Variants in UNC13C observed in about 807,000 individuals in gnomAD.
The protein encoded by UNC13C is protein unc-13 homolog C.
Under a neutral mutation model 245.4 loss-of-function variants are expected in UNC13C, and 174 were observed. The observed-to-expected ratio is 0.71, with a 90% CI of 0.63 to 0.80. The LOEUF (loss-of-function observed/expected upper bound fraction) is 0.80, where lower values mean the gene tolerates loss of function less well. Ranked by LOEUF, UNC13C falls within the 30% of genes least tolerant of loss-of-function variation. The pLI is 0.00. For synonymous variants in UNC13C, 992 were observed against 895.1 expected (o/e 1.11, Z -1.93); for missense variants, 2,829 against 2,602.9 (o/e 1.09, Z -1.89).
At chr15:54,168,932 A>T (rs1167181711) in intron 4 of UNC13C, among the ~76,000 whole-genome samples, 1 of 152,240 alleles carries the variant, frequency 6.6e-6, no homozygotes, top group African/African-American at 2.4e-5. Flanking sequence ...AGTGATTAAT[A>T]AAATGGAAAA....
At chr15:53,941,858 G>A in the UNC13C span, among the ~76,000 whole-genome samples, 11 of 152,172 alleles carry the variant, frequency 7.2e-5, no homozygotes, top group African/African-American at 2.2e-4. Context: ...AAAATAAGAT[G>A]CCATCTCATG....
intron 19 of UNC13C, among the ~76,000 whole-genome samples, chr15:54,440,631 T>C (rs1217868821): frequency 1.3e-5 from 2 of 152,046 alleles, no homozygotes; most frequent in South Asian, 2.1e-4. Context: ...GCTGTAGATA[T>C]CTCTTTGATG....
intron 19 of UNC13C, among the ~76,000 whole-genome samples, chr15:54,462,263 A>G (rs1382888078): frequency 6.6e-6 from 1 of 152,250 alleles, no homozygotes. Context: ...ATCTCAGTGG[A>G]TATAAGAGGG....
intron 2 of UNC13C, chr15:54,048,569 G>A (rs184604255): frequency 2.6e-4 from 116 of 445,482 alleles, no homozygotes; most frequent in African/African-American, 2.3e-3. Context: ...TAGAATTGAT[G>A]TACTGAAACT....
At chr15:54,528,444 C>T (rs1055648448) in intron 25 of UNC13C, among the ~76,000 whole-genome samples, 8 of 151,754 alleles carry the variant, frequency 5.3e-5, no homozygotes, top group African/African-American at 1.2e-4. Flanking sequence ...TTGGGTGCTC[C>T]GAAAATCTTT....
At chr15:54,430,578 A>T (rs1028339603) in intron 19 of UNC13C, among the ~76,000 whole-genome samples, 8 of 151,718 alleles carry the variant, frequency 5.3e-5, no homozygotes, top group Admixed American at 4.6e-4. Flanking sequence ...TTAAATATTA[A>T]TAGAAATTAA....
chr15:53,888,708 T>A, the UNC13C span, among the ~76,000 whole-genome samples: 2 of 152,230 alleles, frequency 1.3e-5, no homozygotes, highest in Non-Finnish European at 2.9e-5. Context: ...CTTTAATCCA[T>A]CTTGAGTTGA....
At chr15:54,215,936 A>G (rs2035026580) in intron 4 of UNC13C, among the ~76,000 whole-genome samples, 1 of 152,030 alleles carries the variant, frequency 6.6e-6, no homozygotes, top group Non-Finnish European at 1.5e-5. Context: ...TTTGTCCAAC[A>G]TAAATTGAAA....
At chr15:54,161,372 T>C (rs904585438) in intron 4 of UNC13C, among the ~76,000 whole-genome samples, 2 of 152,226 alleles carry the variant, frequency 1.3e-5, no homozygotes, top group African/African-American at 4.8e-5. Context: ...CATTTCTTTC[T>C]GCCAGGTACA....
At chr15:54,108,152 T>C (rs929919192) in intron 2 of UNC13C, among the ~76,000 whole-genome samples, 1 of 151,842 alleles carries the variant, frequency 6.6e-6, no homozygotes, top group African/African-American at 2.4e-5. Flanking sequence ...TGGATGATAG[T>C]TTTCTATTAT....
At chr15:54,265,517 C>A in intron 10 of UNC13C, 21 bp downstream of exon 10, 4 of 1,446,624 alleles carry the variant, frequency 2.8e-6, no homozygotes, top group Admixed American at 2.5e-5. Context: ...AATGTGAAAC[C>A]TTTACAAATA....
chr15:54,328,922 C>A (rs2038366995), intron 14 of UNC13C, among the ~76,000 whole-genome samples: 1 of 152,112 alleles, frequency 6.6e-6, no homozygotes, highest in East Asian at 1.9e-4. Context: ...AATAATCATG[C>A]CTATTAGTTT....
intron 17 of UNC13C, among the ~76,000 whole-genome samples, chr15:54,380,752 A>G (rs1258248143): frequency 6.6e-6 from 1 of 152,140 alleles, no homozygotes; most frequent in Non-Finnish European, 1.5e-5. Flanking sequence ...GACTATTTGT[A>G]TATCTTCTTT....
At chr15:54,024,726 G>A (rs1281396184) in intron 2 of UNC13C, among the ~76,000 whole-genome samples, 1 of 151,964 alleles carries the variant, frequency 6.6e-6, no homozygotes, top group Non-Finnish European at 1.5e-5. Context: ...AGACCATCCT[G>A]GCTACACGGT....
In UNC13C at chr15:54,502,763, T is replaced by C. The variant is rs576140672; in HGVS notation, c.5301+1785T>C. 2.5e-4 allele frequency among the ~76,000 whole-genome samples: 38 copies of C among 152,210 alleles called. No individual in the cohort carries two copies. In the South Asian group the frequency reaches 7.5e-3, roughly 30 times the overall value. On this transcript the variant is annotated intron_variant, in intron 22 of 32. Transcript: ENST00000260323. ...TTAGGTTAATATATTTAGTAACATATGATAATTGTACCTGATATTAGAAAA... is the reference window on the plus strand; with the variant it reads ...TTAGGTTAATATATTTAGTAACATACGATAATTGTACCTGATATTAGAAAA...
chr15:54,071,194 A>T (rs2115823), intron 2 of UNC13C, among the ~76,000 whole-genome samples: 80 of 151,914 alleles, frequency 5.3e-4, no homozygotes, highest in African/African-American at 1.7e-3. Flanking sequence ...TCCTTTTTTT[A>T]AAAAAAATTT....
At chr15:54,177,386 A>C (rs1334074580) in intron 4 of UNC13C, among the ~76,000 whole-genome samples, 1 of 152,124 alleles carries the variant, frequency 6.6e-6, no homozygotes, top group Admixed American at 6.5e-5. Flanking sequence ...CAAATTAGCT[A>C]AGGCAATTTG....
chr15:54,409,595 T>A (rs1324792619), intron 18 of UNC13C, among the ~76,000 whole-genome samples: 2 of 152,192 alleles, frequency 1.3e-5, no homozygotes, highest in African/African-American at 4.8e-5. Context: ...ATGCACTCGA[T>A]ATTTAGCTCC....
the UNC13C span, among the ~76,000 whole-genome samples, chr15:53,963,515 C>A: frequency 6.6e-6 from 1 of 152,106 alleles, no homozygotes. Context: ...TTGAGATACC[C>A]ATATGGGACA....
Sources: allele counts gnomAD v4.1 joint callset (sites outside exome capture counted in the v4.1 genomes callset), GRCh38; gene constraint gnomAD v4.1.1; transcripts MANE v1.5; gene names NCBI Gene and HGNC (gene_info 2026-07-23, HGNC 2026-07-21).